The following C19orf47 variants were observed in gnomAD, a reference collection of about 807,000 sequenced individuals.
C19orf47 encodes uncharacterized protein C19orf47.
A neutral mutation model predicts 32.3 loss-of-function variants in C19orf47; 18 were observed. That is an observed-to-expected ratio of 0.56 (90% CI 0.39 to 0.83). The LOEUF (loss-of-function observed/expected upper bound fraction) is 0.83. C19orf47 is among the 40% of genes least tolerant of loss of function. The probability of loss-of-function intolerance (pLI) is 0.00; values close to 1 mark genes in which losing one functional copy is unlikely to be tolerated. For synonymous variants in C19orf47, 202 were observed against 211.1 expected, an observed-to-expected ratio of 0.96 and a Z score of 0.37; for missense variants, 484 against 531.6, an observed-to-expected ratio of 0.91 and a Z score of 0.88.
chr19:40,305,880 G>A, the C19orf47 span, among the ~76,000 whole-genome samples: 17 of 152,144 alleles, frequency 1.1e-4, no homozygotes, highest in Admixed American at 6.5e-4. Context: ...CAGACATGGT[G>A]ACCCACGCCT....
chr19:40,341,980 G>T (rs1286393311), intron 1 of C19orf47, 90 bp from the exon 2 acceptor site: 15 of 1,530,674 alleles, frequency 9.8e-6, no homozygotes, highest in Non-Finnish European at 1.3e-5. Flanking sequence ...CATGCCAGAG[G>T]AATGTTCCTG....
At chr19:40,338,446 C>T (rs1214610848) in intron 2 of C19orf47, among the ~76,000 whole-genome samples, 6 of 151,640 alleles carry the variant, frequency 4.0e-5, no homozygotes, top group African/African-American at 7.3e-5. Flanking sequence ...AGTGCAGTGG[C>T]GCAATCTCGG....
chr19:40,328,377 T>C, intron 6 of C19orf47, 36 bp downstream of exon 6: 1 of 1,607,980 alleles, frequency 6.2e-7, no homozygotes, highest in Non-Finnish European at 8.5e-7. Context: ...CACGTTCCCC[T>C]CCAGCTCCTC....
chr19:40,334,039 C>G (rs918244984), intron 4 of C19orf47, 110 bp from the exon 5 acceptor site: 18 of 727,866 alleles, frequency 2.5e-5, no homozygotes, highest in Non-Finnish European at 3.7e-5. Flanking sequence ...AAGATTCTAA[C>G]ACATTTCACT....
intron 1 of C19orf47, among the ~76,000 whole-genome samples, chr19:40,345,724 C>A (rs1404977438): frequency 6.7e-6 from 1 of 148,754 alleles, no homozygotes; most frequent in Non-Finnish European, 1.5e-5. Context: ...TGCCTGTAAT[C>A]CAAGCTACTC....
the C19orf47 span, among the ~76,000 whole-genome samples, chr19:40,307,502 G>A: frequency 6.6e-6 from 1 of 152,004 alleles, no homozygotes; most frequent in Admixed American, 6.6e-5. Flanking sequence ...GGGCTCAAGG[G>A]ATCCTCTTGC....
At chr19:40,331,296 C>G (rs2077947997) in intron 5 of C19orf47, among the ~76,000 whole-genome samples, 1 of 152,204 alleles carries the variant, frequency 6.6e-6, no homozygotes, top group South Asian at 2.1e-4. Flanking sequence ...GGCTAGCCAG[C>G]TAGATAATTA....
chr19:40,294,806 T>C, the C19orf47 span, among the ~76,000 whole-genome samples: 1 of 152,224 alleles, frequency 6.6e-6, no homozygotes. Context: ...AGCGGCATTC[T>C]CTTTGTCCAC....
intron 1 of C19orf47, among the ~76,000 whole-genome samples, chr19:40,347,328 G>A (rs549053055): frequency 1.3e-5 from 2 of 152,012 alleles, no homozygotes; most frequent in African/African-American, 4.8e-5. Flanking sequence ...TCAGAAGTTC[G>A]AGACCAGCCT....
At chr19:40,338,574 G>C (rs562767272) in intron 2 of C19orf47, among the ~76,000 whole-genome samples, 1 of 151,880 alleles carries the variant, frequency 6.6e-6, no homozygotes, top group African/African-American at 2.4e-5. Context: ...TAGTAGAGAC[G>C]GGGTTTCACC....
chr19:40,303,753 G>A, the C19orf47 span, among the ~76,000 whole-genome samples: 2 of 142,184 alleles, frequency 1.4e-5, no homozygotes, highest in Admixed American at 7.5e-5. Flanking sequence ...GCAATGAGCC[G>A]AGATCGCATC....
At chr19:40,331,695 C>A (rs764386730) in intron 5 of C19orf47, among the ~76,000 whole-genome samples, 1 of 152,044 alleles carries the variant, frequency 6.6e-6, no homozygotes, top group Non-Finnish European at 1.5e-5. Context: ...GCTTAGTTAT[C>A]AGCAAAGGGA....
At chr19:40,303,297 G>T in the C19orf47 span, among the ~76,000 whole-genome samples, 1 of 151,886 alleles carries the variant, frequency 6.6e-6, no homozygotes, top group Non-Finnish European at 1.5e-5. Flanking sequence ...GCCGAGGTGG[G>T]GGGATCACGA....
intron 3 of C19orf47, 27 bp downstream of exon 3, chr19:40,336,293 C>T: frequency 1.2e-6 from 2 of 1,613,936 alleles, no homozygotes; most frequent in Non-Finnish European, 1.7e-6. Flanking sequence ...CTCCCCACCA[C>T]CCCATCCCCA....
chr19:40,319,295 A>G (rs957538345), downstream of C19orf47, among the ~76,000 whole-genome samples: 1 of 144,594 alleles, frequency 6.9e-6, no homozygotes, highest in African/African-American at 2.6e-5. Context: ...CAATAAAAAT[A>G]AAATAAAATG....
chr19:40,326,390 G>C lies in C19orf47; in HGVS notation c.536C>G (p.Pro179Arg), dbSNP rs774654278. The change falls in exon 7 of 9, where the codon CCC (proline) becomes CGC (arginine). Residue 179 changes from proline to arginine, a missense_variant. Around this residue, in one of 3 missense-constraint regions of C19orf47, gnomAD observed 376 missense variants for 370.2 expected, o/e 1.02. Coordinates refer to ENST00000683109, the MANE Select transcript of C19orf47 (RefSeq NM_001256441.2). ...EMEGKYVINM[P>R]KGTTPRTRKI... ...GCGGGTGCGGGGTGTGGTGCCTTTGGGCATGTTGATGACGTACTTCCCCTC... is the reference window on the plus strand; with the variant it reads ...GCGGGTGCGGGGTGTGGTGCCTTTGCGCATGTTGATGACGTACTTCCCCTC... 6.2e-7 allele frequency: 1 copy of C among 1,614,180 alleles called. No homozygotes were observed. Among genetic ancestry groups the C allele is most frequent in the South Asian group, 1.1e-5 (1 of 91,086 alleles).
rs996474797 is a variant in C19orf47, at chr19:40,336,024, T to C, written c.222+86A>G. ...CCTGGAACCTGGGTCGGCCTGCCTCTGCTGCCAGGCCTCCCATTGGCTCTG... is the reference window on the plus strand; with the variant it reads ...CCTGGAACCTGGGTCGGCCTGCCTCCGCTGCCAGGCCTCCCATTGGCTCTG... On this transcript the variant is annotated intron_variant, in intron 4 of 8. Coordinates refer to ENST00000683109, the MANE Select transcript of C19orf47 (RefSeq NM_001256441.2). 8 of 1,261,178 alleles carry C rather than the reference T, an allele frequency of 6.3e-6. No homozygotes were observed. The African/African-American group carries it at 1.2e-4, about 19-fold the overall frequency. The allele number at this position is 1,261,178 out of a possible 1,614,324, so 78.1% of individuals were successfully genotyped here.
At chr19:40,324,815 T>C (rs1166096293) in intron 7 of C19orf47, 2 of 151,782 alleles carry the variant, frequency 1.3e-5, no homozygotes, top group African/African-American at 4.9e-5. Context: ...GAAACCAGAA[T>C]TTAAAAATTA....
the C19orf47 span, among the ~76,000 whole-genome samples, chr19:40,296,640 G>A: frequency 1.1e-4 from 16 of 152,108 alleles, no homozygotes; most frequent in African/African-American, 2.9e-4. Flanking sequence ...TGGGCCAGGC[G>A]CAGTGGCTCA....
Sources: allele counts gnomAD v4.1 joint callset (sites outside exome capture counted in the v4.1 genomes callset), GRCh38; gene constraint gnomAD v4.1.1; regional missense constraint gnomAD v4.1.1; transcripts MANE v1.5; gene names NCBI Gene and HGNC (gene_info 2026-07-23, HGNC 2026-07-21).